ZNF676: variants seen among roughly 807,000 people sequenced by gnomAD.
ZNF676 encodes the protein zinc finger protein 676.
In ZNF676, 4 loss-of-function variants were observed where a neutral mutation model predicts 6.0. The ratio of observed to expected loss-of-function variants is 0.67; its 90% CI spans 0.33 to 1.53. ZNF676 has a LOEUF of 1.53. Ranked by LOEUF, ZNF676 falls within the 40% of genes most tolerant of loss-of-function variation. The pLI, the probability that ZNF676 is intolerant of heterozygous loss-of-function variation, is 0.06. For missense variants in ZNF676, 644 were observed against 679.7 expected, an observed-to-expected ratio of 0.95 and a Z score of 0.58; for synonymous variants, 198 against 223.1, an observed-to-expected ratio of 0.89 and a Z score of 1.00.
intron 1 of ZNF676, among the ~76,000 whole-genome samples, chr19:22,195,181 G>T (rs2023953976): frequency 6.6e-6 from 1 of 152,122 alleles, no homozygotes; most frequent in Non-Finnish European, 1.5e-5. Context: ...AAGGGTTTGG[G>T]AGCACAACTA....
At chr19:22,228,346 G>C in the ZNF676 span, among the ~76,000 whole-genome samples, 5 of 152,088 alleles carry the variant, frequency 3.3e-5, no homozygotes, top group African/African-American at 1.2e-4. Flanking sequence ...AGTATTGATG[G>C]AACATATCTC....
the ZNF676 span, among the ~76,000 whole-genome samples, chr19:22,231,859 C>G: frequency 6.6e-6 from 1 of 152,070 alleles, no homozygotes; most frequent in Non-Finnish European, 1.5e-5. Context: ...CTCAGCCTCC[C>G]AAAGTGCTGG....
chr19:22,182,585 T>TTAAAAAAAAAAAAAAAAAAAAAAAAAAAA (rs376894161), intron 2 of ZNF676, among the ~76,000 whole-genome samples: 4 of 45,042 alleles, frequency 8.9e-5, no homozygotes, highest in African/African-American at 4.2e-4. Flanking sequence ...GTCAAAGTTC[T>TTAAAAAAAAAAAAAAAAAAAAAAAAAAAA]AAAAAAAAAA....
chr19:22,253,353 GGTGTGTGT>G, the ZNF676 span, among the ~76,000 whole-genome samples: 96 of 105,686 alleles, frequency 9.1e-4, no homozygotes, highest in African/African-American at 3.3e-3. Context: ...TATGATAATG[GGTGTGTGT>G]GTGTGTGTGT....
Position 22,181,632 on chromosome 19 carries a change from G to GA in ZNF676, c.131-47dup, listed in dbSNP as rs36062457. On this transcript the variant is annotated intron_variant, in intron 2 of 2. Coordinates refer to ENST00000397121, the MANE Select transcript of ZNF676 (RefSeq NM_001001411.3). Reference sequence around the variant, plus strand: ...CAAATTAATCTACATATTAGACTCAGATAAGTACAGTTTCCAAATCTAACC... The same window carrying GA: ...CAAATTAATCTACATATTAGACTCAGAATAAGTACAGTTTCCAAATCTAACC... The GA allele has an allele frequency of 5.5e-3, 7,642 of 1,390,244 alleles. 30 individuals carry two copies. The highest frequency in any genetic ancestry group is 6.5e-3 in the Non-Finnish European group (6,830 of 1,050,424). The allele number at this position is 1,390,244 out of a possible 1,614,324, so 86.1% of individuals were successfully genotyped here.
the ZNF676 span, among the ~76,000 whole-genome samples, chr19:22,247,215 C>G: frequency 6.6e-6 from 1 of 151,996 alleles, no homozygotes; most frequent in African/African-American, 2.4e-5. Context: ...GGTTAAAGAC[C>G]TCTCTTAATA....
the ZNF676 span, chr19:22,245,037 A>T: frequency 6.6e-5 from 10 of 152,286 alleles, no homozygotes; most frequent in East Asian, 1.9e-3. Context: ...TCATGAAAAG[A>T]GAGTCAGATC....
upstream of ZNF676, among the ~76,000 whole-genome samples, chr19:22,200,578 G>A (rs912714448): frequency 1.4e-5 from 2 of 143,950 alleles, no homozygotes; most frequent in African/African-American, 5.3e-5. Flanking sequence ...GAGTGCAATG[G>A]TGTGATCTCG....
At chr19:22,244,396 G>T in the ZNF676 span, 1 of 152,142 alleles carries the variant, frequency 6.6e-6, no homozygotes, top group Non-Finnish European at 1.5e-5. Flanking sequence ...GATCTTACTT[G>T]TTTCCCTAGG....
At chr19:22,194,262 C>A (rs2023943758) in intron 1 of ZNF676, among the ~76,000 whole-genome samples, 1 of 152,164 alleles carries the variant, frequency 6.6e-6, no homozygotes, top group African/African-American at 2.4e-5. Context: ...CTGCAAGAGG[C>A]AGTGTGGCAT....
the ZNF676 span, among the ~76,000 whole-genome samples, chr19:22,252,941 A>C: frequency 6.6e-6 from 1 of 152,168 alleles, no homozygotes; most frequent in African/African-American, 2.4e-5. Flanking sequence ...AGATGAGATT[A>C]ACCATCCTGA....
chr19:22,220,570 C>T (rs1301560106), upstream of ZNF676, among the ~76,000 whole-genome samples: 1 of 151,634 alleles, frequency 6.6e-6, no homozygotes, highest in Non-Finnish European at 1.5e-5. Flanking sequence ...GATTCTCCTG[C>T]CTAAGCCTCC....
At chr19:22,223,938 A>G in the ZNF676 span, among the ~76,000 whole-genome samples, 1 of 151,860 alleles carries the variant, frequency 6.6e-6, no homozygotes, top group Admixed American at 6.6e-5. Flanking sequence ...TTAAGAATAT[A>G]TGTAGCATAT....
chr19:22,256,320 C>T, the ZNF676 span, among the ~76,000 whole-genome samples: 1 of 152,120 alleles, frequency 6.6e-6, no homozygotes, highest in South Asian at 2.1e-4. Context: ...GTACAATATT[C>T]CCCGCTAGAA....
At chr19:22,219,046 T>TTG (rs1555776275), upstream of ZNF676, among the ~76,000 whole-genome samples, 52 of 138,810 alleles carry the variant, frequency 3.7e-4, no homozygotes, top group Admixed American at 1.9e-3. Context: ...TTTTTTTTTT[T>TTG]GGTATCCTGA....
At chr19:22,215,796 G>GA (rs2024179263), upstream of ZNF676, 2 of 664,608 alleles carry the variant, frequency 3.0e-6, no homozygotes, top group Admixed American at 4.0e-5. Context: ...AAGCCGACCT[G>GA]TCCCCCCCCC....
Position 22,180,089 on chromosome 19 carries a change from C to T in ZNF676, c.1628G>A (p.Ser543Asn). Residue 543 changes from serine to asparagine, a missense_variant, in exon 3 of 3, where the codon AGC (serine) becomes AAC (asparagine). This residue lies in a region of ZNF676 where 306 missense variants were observed against 265.4 expected (regional missense o/e 1.15). Coordinates refer to ENST00000397121, the MANE Select transcript of ZNF676 (RefSeq NM_001001411.3). ...GTGTCTAGTAAGGCTTGAGGATCTG[C>T]TGAAGGCTTTGCCACATTCTTCACA... Reference protein sequence around the residue: ...YKCEECGKAFSRSSSLTRHKR... With the variant: ...YKCEECGKAFNRSSSLTRHKR... 1.2e-6 allele frequency: 2 copies of T among 1,609,186 alleles called. No individual in the cohort carries two copies. Among genetic ancestry groups the T allele is most frequent in the Non-Finnish European group, 1.7e-6 (2 of 1,178,230 alleles).
chr19:22,198,380 T>C (rs2023992321), upstream of ZNF676, among the ~76,000 whole-genome samples: 1 of 152,176 alleles, frequency 6.6e-6, no homozygotes, highest in Non-Finnish European at 1.5e-5. Flanking sequence ...TAAGAATTTT[T>C]TAAAGCAGTT....
intron 1 of ZNF676, among the ~76,000 whole-genome samples, chr19:22,207,230 A>C (rs2144809300): frequency 6.6e-6 from 1 of 152,346 alleles, no homozygotes; most frequent in Non-Finnish European, 1.5e-5. Context: ...TAAACTGACA[A>C]ACAACTTCAG....
Sources: allele counts gnomAD v4.1 joint callset (sites outside exome capture counted in the v4.1 genomes callset), GRCh38; gene constraint gnomAD v4.1.1; regional missense constraint gnomAD v4.1.1; transcripts MANE v1.5; gene names NCBI Gene and HGNC (gene_info 2026-07-23, HGNC 2026-07-21).